SGCZ: variants seen among roughly 807,000 people sequenced by gnomAD.
SGCZ encodes sarcoglycan zeta, also known as zeta-sarcoglycan.
Under a neutral mutation model 41.3 loss-of-function variants are expected in SGCZ, and 40 were observed. That is an observed-to-expected ratio of 0.97 (90% CI 0.75 to 1.26). The LOEUF (loss-of-function observed/expected upper bound fraction) is 1.26. SGCZ is among the 50% of genes most tolerant of loss of function. SGCZ has a pLI of 0.00. For synonymous variants in SGCZ, 206 were observed against 137.5 expected, an observed-to-expected ratio of 1.50 and a Z score of -3.49; for missense variants, 552 against 369.8, an observed-to-expected ratio of 1.49 and a Z score of -4.04.
chr8:15,175,880 G>A (rs1331064530), intron 1 of SGCZ, among the ~76,000 whole-genome samples: 2 of 152,096 alleles, frequency 1.3e-5, no homozygotes, highest in Non-Finnish European at 2.9e-5. Flanking sequence ...ACAAGGAGAA[G>A]ACTCATGTTA....
chr8:14,901,350 A>G (rs1363549658), intron 1 of SGCZ, among the ~76,000 whole-genome samples: 2 of 152,198 alleles, frequency 1.3e-5, no homozygotes, highest in Non-Finnish European at 2.9e-5. Flanking sequence ...GCTCCCAAAC[A>G]CATCTAATGA....
chr8:14,916,961 G>A (rs1264185301), intron 1 of SGCZ, among the ~76,000 whole-genome samples: 1 of 152,086 alleles, frequency 6.6e-6, no homozygotes, highest in Non-Finnish European at 1.5e-5. Context: ...CATACTCAAA[G>A]TCATCCTTAA....
chr8:14,115,760 T>C (rs1301224544), intron 5 of SGCZ, among the ~76,000 whole-genome samples: 1 of 151,602 alleles, frequency 6.6e-6, no homozygotes, highest in Non-Finnish European at 1.5e-5. Context: ...TATTTAGAAA[T>C]CTCCCATCAG....
intron 1 of SGCZ, among the ~76,000 whole-genome samples, chr8:14,613,927 G>C (rs1183209698): frequency 6.6e-6 from 1 of 152,064 alleles, no homozygotes; most frequent in Admixed American, 6.6e-5. Flanking sequence ...ACGTTATCTT[G>C]CCATGAAACA....
Position 14,796,336 on chromosome 8 carries a change from T to G in SGCZ, c.40-241410A>C, listed in dbSNP as rs76008890. ...AGAATCTATGTTGTCCAGGCTGGTA[T>G]TGGAACTCCTGGCCTCAAGTGATCA... On this transcript the variant is annotated intron_variant, in intron 1 of 7. Coordinates refer to ENST00000382080, the MANE Select transcript of SGCZ (RefSeq NM_139167.4). 5.3e-5 allele frequency among the ~76,000 whole-genome samples: 8 copies of G among 152,288 alleles called. No homozygotes were observed. The East Asian group carries it at 1.2e-3, about 22-fold the overall frequency.
At chr8:14,139,598 A>C (rs1036916020) in intron 5 of SGCZ, among the ~76,000 whole-genome samples, 1 of 152,202 alleles carries the variant, frequency 6.6e-6, no homozygotes, top group African/African-American at 2.4e-5. Flanking sequence ...GAAGAAAATG[A>C]TGAATTCCTG....
At chr8:14,744,344 G>A (rs746921577) in intron 1 of SGCZ, among the ~76,000 whole-genome samples, 3 of 152,188 alleles carry the variant, frequency 2.0e-5, no homozygotes, top group Admixed American at 2.0e-4. Context: ...GGGCCAACAG[G>A]TCTATAGGCC....
chr8:14,659,091 T>C (rs1280021192), intron 1 of SGCZ, among the ~76,000 whole-genome samples: 2 of 152,218 alleles, frequency 1.3e-5, no homozygotes, highest in African/African-American at 4.8e-5. Flanking sequence ...CTCACAGAGT[T>C]ACTTTTCTGT....
At chr8:14,596,620 G>C (rs1289406709) in intron 1 of SGCZ, among the ~76,000 whole-genome samples, 1 of 152,008 alleles carries the variant, frequency 6.6e-6, no homozygotes, top group East Asian at 1.9e-4. Context: ...CAAAAACACT[G>C]AATGATTAGT....
At chr8:15,034,058 AC>A (rs1401188830) in intron 1 of SGCZ, among the ~76,000 whole-genome samples, 1 of 150,748 alleles carries the variant, frequency 6.6e-6, no homozygotes, top group Non-Finnish European at 1.5e-5. Context: ...ATATTAAAAA[AC>A]AAAAAGACAC....
At chr8:14,537,423 A>G (rs1803329346) in intron 2 of SGCZ, among the ~76,000 whole-genome samples, 6 of 151,896 alleles carry the variant, frequency 4.0e-5, no homozygotes, top group Admixed American at 3.9e-4. Flanking sequence ...AGATCCAAAC[A>G]AGACAGAGAA....
intron 2 of SGCZ, among the ~76,000 whole-genome samples, chr8:14,445,195 G>A (rs1056550559): frequency 6.6e-6 from 1 of 152,176 alleles, no homozygotes; most frequent in Non-Finnish European, 1.5e-5. Flanking sequence ...AGATTAGGAC[G>A]GGTCCCCAGT....
intron 2 of SGCZ, among the ~76,000 whole-genome samples, chr8:14,529,808 C>T (rs1803069391): frequency 2.6e-5 from 4 of 152,062 alleles, no homozygotes. Context: ...ACTCCTTAAG[C>T]AGCCCCTTAT....
intron 2 of SGCZ, among the ~76,000 whole-genome samples, chr8:14,515,461 A>G (rs28492005): frequency 0.016 from 2,452 of 152,238 alleles, 59 homozygotes; most frequent in African/African-American, 0.057. Context: ...TTTCTAACAT[A>G]ACACTATATC....
intron 1 of SGCZ, among the ~76,000 whole-genome samples, chr8:15,116,837 G>A (rs939677863): frequency 2.6e-5 from 4 of 152,172 alleles, no homozygotes; most frequent in African/African-American, 9.7e-5. Context: ...ATACACAAGT[G>A]CTGTCATGCA....
intron 2 of SGCZ, among the ~76,000 whole-genome samples, chr8:14,515,214 A>C (rs1299196439): frequency 6.6e-6 from 1 of 152,062 alleles, no homozygotes; most frequent in Non-Finnish European, 1.5e-5. Flanking sequence ...GGCTACTGAC[A>C]TTAATACATG....
chr8:14,174,308 A>T (rs1273066348), intron 4 of SGCZ, among the ~76,000 whole-genome samples: 6 of 152,144 alleles, frequency 3.9e-5, no homozygotes, highest in African/African-American at 1.4e-4. Flanking sequence ...TGAGTCCATA[A>T]ACAGACTCAA....
intron 1 of SGCZ, among the ~76,000 whole-genome samples, chr8:14,904,571 T>C (rs1051152551): frequency 6.6e-6 from 1 of 152,054 alleles, no homozygotes; most frequent in Admixed American, 6.6e-5. Flanking sequence ...AATCTCTCTG[T>C]AAAATGGTAT....
chr8:14,562,734 T>C (rs1804243287), intron 1 of SGCZ, among the ~76,000 whole-genome samples: 1 of 152,158 alleles, frequency 6.6e-6, no homozygotes, highest in African/African-American at 2.4e-5. Context: ...AATAGAATTG[T>C]AGATGAGTGT....
Sources: gnomAD v4.1 joint callset for allele counts (sites outside exome capture counted in the v4.1 genomes callset) on GRCh38, gnomAD v4.1.1 for gene constraint, MANE v1.5 for transcripts, NCBI Gene and HGNC (gene_info 2026-07-23, HGNC 2026-07-21) for gene names.